Variants in PPFIA2 observed in about 807,000 individuals in gnomAD.
The protein encoded by PPFIA2 is PPFI scaffold protein A2, also known as liprin-alpha-2.
PPFIA2 carries 46 observed loss-of-function variants against 175.5 expected under a neutral mutation model. The observed-to-expected ratio is 0.26, with a 90% CI of 0.21 to 0.34. The LOEUF is 0.34. Ranked by LOEUF, PPFIA2 falls within the 10% of genes least tolerant of loss-of-function variation. The pLI, the probability that PPFIA2 is intolerant of heterozygous loss-of-function variation, is 1.00. For missense variants in PPFIA2, 1,179 were observed against 1,506.1 expected (o/e 0.78, Z 3.60); for synonymous variants, 568 against 511.4 (o/e 1.11, Z -1.49).
At chr12:81,319,898 CA>C in intron 22 of PPFIA2, among the ~76,000 whole-genome samples, 1 of 151,858 alleles carries the variant, frequency 6.6e-6, no homozygotes, top group South Asian at 2.1e-4. Context: ...TTTATCTACC[CA>C]GAGACAGTTC....
At chr12:81,269,692 A>AT (rs941750481) in intron 28 of PPFIA2, among the ~76,000 whole-genome samples, 13 of 151,932 alleles carry the variant, frequency 8.6e-5, no homozygotes, top group East Asian at 5.8e-4. Flanking sequence ...TGCCCGATTT[A>AT]TTTTTTTTAG....
intron 21 of PPFIA2, 103 bp from the exon 22 acceptor site, chr12:81,325,973 A>G: frequency 1.3e-6 from 1 of 770,146 alleles, no homozygotes; most frequent in Non-Finnish European, 2.1e-6. Flanking sequence ...TTAGTATCAC[A>G]TTTAAAAATT....
At chr12:81,348,750 T>C (rs149289964) in intron 17 of PPFIA2, among the ~76,000 whole-genome samples, 4 of 152,032 alleles carry the variant, frequency 2.6e-5, no homozygotes, top group African/African-American at 9.7e-5. Context: ...AAATTATTTA[T>C]TACAAAGGCA....
intron 3 of PPFIA2, among the ~76,000 whole-genome samples, chr12:81,733,535 CACTT>C (rs1320047700): frequency 1.3e-5 from 2 of 151,598 alleles, no homozygotes; most frequent in Non-Finnish European, 3.0e-5. Context: ...TTGTCTCTGA[CACTT>C]ACCAGTAATG....
rs192836729 is a variant in PPFIA2, at chr12:81,687,724, G to A, written c.250-10880C>T. ...CTTTACAGAAAATAAATCAATCTAT[G>A]TCCTAGTACACAAATTAGAAAGGTT... On this transcript the variant is annotated intron_variant, in intron 3 of 32. Transcript: ENST00000549396. Among the ~76,000 whole-genome samples, 96 of 151,850 alleles carry A rather than the reference G, an allele frequency of 6.3e-4. 1 individual carries two copies. In the East Asian group the frequency reaches 0.012, roughly 18 times the overall value.
At chr12:81,741,686 T>C (rs533162076) in intron 3 of PPFIA2, among the ~76,000 whole-genome samples, 49 of 152,032 alleles carry the variant, frequency 3.2e-4, no homozygotes, top group African/African-American at 1.1e-3. Context: ...TTGCATTTTA[T>C]GTGTGGCCCA....
chr12:81,413,636 T>G (rs943464353), intron 7 of PPFIA2, among the ~76,000 whole-genome samples: 11 of 151,840 alleles, frequency 7.2e-5, no homozygotes, highest in Non-Finnish European at 1.5e-4. Context: ...GCAATTTCAT[T>G]GCATCTTAAA....
intron 4 of PPFIA2, among the ~76,000 whole-genome samples, chr12:81,592,416 G>C (rs1450075010): frequency 2.6e-5 from 4 of 152,066 alleles, no homozygotes; most frequent in African/African-American, 9.7e-5. Context: ...GGATGGGTCT[G>C]GGATGGAAAA....
chr12:81,681,279 A>G (rs1169288768), intron 3 of PPFIA2, among the ~76,000 whole-genome samples: 1 of 152,026 alleles, frequency 6.6e-6, no homozygotes, highest in Admixed American at 6.6e-5. Context: ...TGAAAGCTTC[A>G]TTTTCCTCTC....
At chr12:81,677,941 T>C (rs886240324) in intron 3 of PPFIA2, among the ~76,000 whole-genome samples, 2 of 151,878 alleles carry the variant, frequency 1.3e-5, no homozygotes, top group African/African-American at 2.4e-5. Flanking sequence ...GAAGTTGCAA[T>C]TCTAGGTTTT....
Position 81,478,407 on chromosome 12 carries a change from C to A in PPFIA2, c.304-20541G>T, listed in dbSNP as rs185510101. 5.3e-5 allele frequency among the ~76,000 whole-genome samples: 8 copies of A among 152,048 alleles called. No homozygotes were observed. In the South Asian group the frequency reaches 1.0e-3, roughly 20 times the overall value. On this transcript the variant is annotated intron_variant, in intron 4 of 32. Coordinates refer to ENST00000549396, the MANE Select transcript of PPFIA2 (RefSeq NM_003625.5). Reference sequence around the variant, plus strand: ...TTTTGAAGGATTTTACGTCTCTATCCCTTCAGATCTGCTCTGATCTTAGTT... The same window carrying A: ...TTTTGAAGGATTTTACGTCTCTATCACTTCAGATCTGCTCTGATCTTAGTT...
At chr12:81,639,060 C>T (rs1484645884) in intron 4 of PPFIA2, among the ~76,000 whole-genome samples, 1 of 152,138 alleles carries the variant, frequency 6.6e-6, no homozygotes, top group Non-Finnish European at 1.5e-5. Flanking sequence ...CTCTAGTGTC[C>T]TGTCACTTTT....
intron 4 of PPFIA2, among the ~76,000 whole-genome samples, chr12:81,525,671 C>G (rs1393556415): frequency 6.6e-6 from 1 of 152,034 alleles, no homozygotes; most frequent in Non-Finnish European, 1.5e-5. Flanking sequence ...TGTGTGCTGT[C>G]TTAAGTTGCT....
intron 4 of PPFIA2, among the ~76,000 whole-genome samples, chr12:81,674,253 A>C (rs1394112145): frequency 1.8e-4 from 28 of 152,102 alleles, no homozygotes; most frequent in Admixed American, 1.8e-3. Flanking sequence ...CATTCACTCA[A>C]TACTTGATGT....
intron 17 of PPFIA2, among the ~76,000 whole-genome samples, chr12:81,352,525 A>C (rs534780503): frequency 4.0e-5 from 6 of 151,704 alleles, no homozygotes; most frequent in African/African-American, 1.5e-4. Flanking sequence ...TTTACCAAAA[A>C]CTGAACCCTG....
chr12:81,515,004 A>G (rs2062234885), intron 4 of PPFIA2, among the ~76,000 whole-genome samples: 1 of 151,922 alleles, frequency 6.6e-6, no homozygotes, highest in Non-Finnish European at 1.5e-5. Context: ...CTTTAAGATC[A>G]TATACAGCTA....
At chr12:81,264,151 A>G (rs988508233) in intron 30 of PPFIA2, among the ~76,000 whole-genome samples, 2 of 152,186 alleles carry the variant, frequency 1.3e-5, no homozygotes, top group Non-Finnish European at 2.9e-5. Context: ...CATTACTATC[A>G]GGAAGCAACA....
chr12:81,685,079 T>C (rs1055601574), intron 3 of PPFIA2, among the ~76,000 whole-genome samples: 1 of 152,074 alleles, frequency 6.6e-6, no homozygotes, highest in Non-Finnish European at 1.5e-5. Context: ...ATAATGTTTA[T>C]TTTTATGTAA....
At chr12:81,352,284 A>G (rs2060145943) in intron 17 of PPFIA2, among the ~76,000 whole-genome samples, 1 of 151,904 alleles carries the variant, frequency 6.6e-6, no homozygotes, top group Admixed American at 6.6e-5. Flanking sequence ...GACAAGTTCA[A>G]GATCAAGGTT....
Sources: allele counts gnomAD v4.1 joint callset (sites outside exome capture counted in the v4.1 genomes callset), GRCh38; gene constraint gnomAD v4.1.1; transcripts MANE v1.5; gene names NCBI Gene and HGNC (gene_info 2026-07-23, HGNC 2026-07-21).